CDH20: variants seen among roughly 807,000 people sequenced by gnomAD.
The protein encoded by CDH20 is cadherin-20.
CDH20 carries 29 observed loss-of-function variants against 74.2 expected under a neutral mutation model. The ratio of observed to expected loss-of-function variants is 0.39; its 90% CI spans 0.29 to 0.53. The LOEUF is 0.53. CDH20 is among the 20% of genes least tolerant of loss of function. CDH20 has a pLI of 0.69. For missense variants in CDH20, 988 were observed against 1,048.3 expected (o/e 0.94, Z 0.79); for synonymous variants, 469 against 405.4 (o/e 1.16, Z -1.88).
intron 1 of CDH20, among the ~76,000 whole-genome samples, chr18:61,350,937 A>ATCC (rs1910284167): frequency 6.6e-6 from 1 of 152,074 alleles, no homozygotes; most frequent in Non-Finnish European, 1.5e-5. Context: ...AGGCAGGCAA[A>ATCC]TGTTCTCTTC....
At chr18:61,483,876 T>C in intron 1 of CDH20, among the ~76,000 whole-genome samples, 1 of 152,226 alleles carries the variant, frequency 6.6e-6, no homozygotes, top group East Asian at 1.9e-4. Context: ...ATTGCATAGA[T>C]AGTAAGTGGT....
chr18:61,503,391 C>A (rs956059405), intron 5 of CDH20, among the ~76,000 whole-genome samples: 2 of 152,190 alleles, frequency 1.3e-5, no homozygotes, highest in African/African-American at 4.8e-5. Context: ...GCCACGCCCA[C>A]CCACCCCACA....
chr18:61,499,615 C>A, intron 3 of CDH20, 135 bp downstream of exon 3: 2 of 741,960 alleles, frequency 2.7e-6, no homozygotes, highest in Non-Finnish European at 4.1e-6. Context: ...AGAAGCTCAC[C>A]AATTATAAAG....
chr18:61,412,807 C>T (rs1912555981), intron 1 of CDH20, among the ~76,000 whole-genome samples: 3 of 152,084 alleles, frequency 2.0e-5, no homozygotes, highest in Admixed American at 2.0e-4. Context: ...TAGAATGAGG[C>T]TATCATAGCA....
In CDH20 at chr18:61,506,995, G is replaced by T. The variant is rs1188828005; in HGVS notation, c.830-378G>T. 3.3e-5 allele frequency among the ~76,000 whole-genome samples: 5 copies of T among 152,180 alleles called. No homozygotes were observed. The East Asian group carries it at 9.6e-4, about 29-fold the overall frequency. The stretch of plus-strand genomic sequence containing the variant: ...TAAACAGAATAAATACGCACTTTGT[G>T]ACCACAGTGTTTATCACTCTCAGAA... On this transcript the variant is annotated intron_variant, in intron 5 of 11. Transcript: ENST00000262717.
At chr18:61,491,826 C>G (rs928616375) in intron 2 of CDH20, among the ~76,000 whole-genome samples, 6 of 152,008 alleles carry the variant, frequency 3.9e-5, no homozygotes, top group African/African-American at 1.2e-4. Flanking sequence ...TGACCTGTCT[C>G]TCCTTGACTC....
rs766519112 is a variant in CDH20 at position 61,503,166 on chromosome 18, C to T, written c.829+46C>T. The T allele has an allele frequency of 4.1e-5, 60 of 1,448,754 alleles. No individual in the cohort carries two copies. In the Middle Eastern group the frequency reaches 7.4e-4, roughly 18 times the overall value. 89.7% of individuals were successfully genotyped at this position (1,448,754 alleles called of 1,614,324 possible). A position where few individuals can be genotyped will look rare whatever the true frequency, so the allele number is the denominator to read the frequency against. ...AGCACAGACCTCGGGCCCAGAGGGACGCACCCGTTGCAGAGGTGCGGGAGA... is the reference window on the plus strand; with the variant it reads ...AGCACAGACCTCGGGCCCAGAGGGATGCACCCGTTGCAGAGGTGCGGGAGA... On this transcript the variant is annotated intron_variant, in intron 5 of 11. Coordinates refer to ENST00000262717, the MANE Select transcript of CDH20 (RefSeq NM_031891.4).
At chr18:61,402,794 T>C (rs1413242852) in intron 1 of CDH20, among the ~76,000 whole-genome samples, 1 of 152,200 alleles carries the variant, frequency 6.6e-6, no homozygotes, top group African/African-American at 2.4e-5. Flanking sequence ...GTATTTTATG[T>C]TTCAATATTG....
At chr18:61,449,767 T>A (rs184456249) in intron 1 of CDH20, among the ~76,000 whole-genome samples, 381 of 150,464 alleles carry the variant, frequency 2.5e-3, no homozygotes, top group East Asian at 8.5e-3. Context: ...GAAAAAAATA[T>A]ATATATATAT....
chr18:61,463,391 G>T (rs958182550), intron 1 of CDH20, among the ~76,000 whole-genome samples: 10 of 152,180 alleles, frequency 6.6e-5, no homozygotes, highest in African/African-American at 1.9e-4. Context: ...TTAACCTGAA[G>T]TGTAAATATT....
intron 1 of CDH20, among the ~76,000 whole-genome samples, chr18:61,465,146 G>A (rs1027937652): frequency 1.3e-5 from 2 of 152,184 alleles, no homozygotes; most frequent in Non-Finnish European, 2.9e-5. Flanking sequence ...TGGCCTGGCT[G>A]CCCAAGAATA....
chr18:61,370,234 A>T (rs750722946), intron 1 of CDH20, among the ~76,000 whole-genome samples: 24 of 152,206 alleles, frequency 1.6e-4, no homozygotes, highest in Non-Finnish European at 3.2e-4. Context: ...AAATGAAACA[A>T]TATCAAGTTT....
At chr18:61,472,203 C>T (rs1393476313) in intron 1 of CDH20, among the ~76,000 whole-genome samples, 2 of 152,058 alleles carry the variant, frequency 1.3e-5, no homozygotes, top group African/African-American at 2.4e-5. Flanking sequence ...TGCTAATCAC[C>T]TAACTTAAGA....
At chr18:61,528,432 T>G (rs1912521524) in intron 7 of CDH20, among the ~76,000 whole-genome samples, 1 of 106,312 alleles carries the variant, frequency 9.4e-6, no homozygotes, top group Admixed American at 9.9e-5. Context: ...TATAACTCAC[T>G]TTCAATTGGT....
chr18:61,374,776 C>T (rs1018821363), intron 1 of CDH20, among the ~76,000 whole-genome samples: 11 of 152,058 alleles, frequency 7.2e-5, no homozygotes, highest in African/African-American at 2.7e-4. Flanking sequence ...ATGCACCTGT[C>T]TACACAAAGC....
chr18:61,415,286 A>ACAAAT (rs1294063813), intron 1 of CDH20, among the ~76,000 whole-genome samples: 4 of 152,168 alleles, frequency 2.6e-5, no homozygotes, highest in Non-Finnish European at 5.9e-5. Flanking sequence ...AAGTCATTTT[A>ACAAAT]CAAATAATTT....
chr18:61,504,674 C>T (rs1911497508), intron 5 of CDH20, among the ~76,000 whole-genome samples: 1 of 152,018 alleles, frequency 6.6e-6, no homozygotes, highest in African/African-American at 2.4e-5. Context: ...CCAGGTGAAA[C>T]ACTTAGCTAG....
chr18:61,433,130 G>A (rs1908710076), intron 1 of CDH20, among the ~76,000 whole-genome samples: 1 of 152,056 alleles, frequency 6.6e-6, no homozygotes, highest in South Asian at 2.1e-4. Context: ...GTAAAATGGG[G>A]ATAAATGGTG....
chr18:61,545,089 C>T lies in CDH20; in HGVS notation c.1593C>T (p.Tyr531=), dbSNP rs1459757649. The T allele has an allele frequency of 5.0e-6, 8 of 1,614,044 alleles. No individual in the cohort carries two copies. In the South Asian group the frequency reaches 8.8e-5, roughly 18 times the overall value. The part of the protein sequence containing the change: ...DDPRNGQHFY[Y]SLAPEAANNP... ...CACGCAATGGTCAGCATTTCTACTA[C>T]AGCTTGGCTCCTGAGGCTGCTAACA... The change falls in exon 10 of 12, where the codon TAC becomes TAT. Residue 531 remains tyrosine, a synonymous_variant. Coordinates refer to ENST00000262717, the MANE Select transcript of CDH20 (RefSeq NM_031891.4).
Sources: gnomAD v4.1 joint callset for allele counts (sites outside exome capture counted in the v4.1 genomes callset) on GRCh38, gnomAD v4.1.1 for gene constraint, MANE v1.5 for transcripts, NCBI Gene and HGNC (gene_info 2026-07-23, HGNC 2026-07-21) for gene names.